Variants in GALNTL5 observed in about 807,000 individuals in gnomAD.
The protein encoded by GALNTL5 is inactive polypeptide N-acetylgalactosaminyltransferase-like protein 5.
GALNTL5 carries 44 observed loss-of-function variants against 51.0 expected under a neutral mutation model. The ratio of observed to expected loss-of-function variants is 0.86; its 90% CI spans 0.68 to 1.11. GALNTL5 has a LOEUF of 1.11. GALNTL5 is among the 50% of genes least tolerant of loss of function. The pLI, the probability that GALNTL5 is intolerant of heterozygous loss-of-function variation, is 0.00. For missense variants in GALNTL5, 528 were observed against 531.8 expected (o/e 0.99, Z 0.07); for synonymous variants, 192 against 182.8 (o/e 1.05, Z -0.41).
At chr7:151,985,384 G>A (rs2151948354) in intron 4 of GALNTL5, among the ~76,000 whole-genome samples, 1 of 152,280 alleles carries the variant, frequency 6.6e-6, no homozygotes, top group East Asian at 1.9e-4. Context: ...CCCACACAGA[G>A]CCTTAAACAC....
chr7:151,967,864 A>G (rs1284092570), intron 2 of GALNTL5, among the ~76,000 whole-genome samples: 2 of 152,090 alleles, frequency 1.3e-5, no homozygotes, highest in Non-Finnish European at 2.9e-5. Context: ...CTTCCTCTGT[A>G]TATTATCCCT....
At chr7:151,994,045 C>G (rs186079690) in intron 5 of GALNTL5, among the ~76,000 whole-genome samples, 37 of 152,288 alleles carry the variant, frequency 2.4e-4, no homozygotes, top group Admixed American at 7.8e-4. Context: ...TTCTAAGTTT[C>G]TTAGAGTTGT....
At chr7:151,959,715 G>A (rs11970963) in intron 1 of GALNTL5, among the ~76,000 whole-genome samples, 44,104 of 151,906 alleles carry the variant, frequency 0.29, 7,487 homozygotes, top group African/African-American at 0.45. Context: ...CCCTTAGCAG[G>A]GTAGCAGTTT....
At chr7:151,995,348 ATTTTTTTTTTTTTTTTTTTTTTTTTTTT>A (rs71198750) in intron 5 of GALNTL5, 2 of 71,100 alleles carry the variant, frequency 2.8e-5, no homozygotes, top group Admixed American at 3.8e-4. Flanking sequence ...GTTGGTATGA[ATTTTTTTTTTTTTTTTTTTTTTTTTTTT>A]TTTTTTTTTT....
intron 5 of GALNTL5, among the ~76,000 whole-genome samples, chr7:151,999,708 T>C (rs1417517943): frequency 2.0e-5 from 3 of 152,192 alleles, no homozygotes; most frequent in Non-Finnish European, 4.4e-5. Context: ...GATTTTAAAA[T>C]GCTAATAATG....
At chr7:152,010,197 C>T (rs1364891218) in intron 7 of GALNTL5, among the ~76,000 whole-genome samples, 1 of 151,914 alleles carries the variant, frequency 6.6e-6, no homozygotes, top group Admixed American at 6.6e-5. Flanking sequence ...ACTGCAATCT[C>T]CGCCTCCCAG....
intron 5 of GALNTL5, among the ~76,000 whole-genome samples, chr7:151,988,715 CTT>C (rs3037136): frequency 2.9e-4 from 41 of 143,236 alleles, no homozygotes; most frequent in East Asian, 1.0e-3. Context: ...ATTTATTTTA[CTT>C]TTTTTTTTTT....
chr7:151,982,903 A>T (rs780339117), intron 3 of GALNTL5, 83 bp from the exon 4 acceptor site: 1 of 1,610,114 alleles, frequency 6.2e-7, no homozygotes. Context: ...AAAGATGCAA[A>T]TAAGGAGAAG....
At chr7:152,013,546 AGAG>A (rs2081766342) in intron 7 of GALNTL5, among the ~76,000 whole-genome samples, 1 of 152,170 alleles carries the variant, frequency 6.6e-6, no homozygotes, top group Non-Finnish European at 1.5e-5. Context: ...TGTTGGTGTG[AGAG>A]CTACTCACAG....
At chr7:151,983,218 C>T (rs2081316972) in intron 4 of GALNTL5, 66 bp downstream of exon 4, 3 of 1,408,660 alleles carry the variant, frequency 2.1e-6, no homozygotes, top group Admixed American at 3.4e-5. Context: ...CCCTCTGTCA[C>T]CCAGGCTGGA....
At chr7:151,982,233 T>G (rs2081301330) in intron 3 of GALNTL5, among the ~76,000 whole-genome samples, 1 of 151,792 alleles carries the variant, frequency 6.6e-6, no homozygotes, top group East Asian at 1.9e-4. Flanking sequence ...GCCAACATGG[T>G]GAAACACTGT....
intron 5 of GALNTL5, among the ~76,000 whole-genome samples, chr7:151,995,890 G>A (rs1166486595): frequency 1.3e-5 from 2 of 152,116 alleles, no homozygotes; most frequent in African/African-American, 2.4e-5. Flanking sequence ...AAGAAGCTAA[G>A]CTCCCGAAAG....
At chr7:152,008,278 G>A (rs921072917) in intron 7 of GALNTL5, among the ~76,000 whole-genome samples, 3 of 122,888 alleles carry the variant, frequency 2.4e-5, no homozygotes, top group East Asian at 2.5e-4. Flanking sequence ...ATGTGGTCTC[G>A]CTATGTTGCC....
intron 1 of GALNTL5, among the ~76,000 whole-genome samples, chr7:151,957,433 C>T (rs1314387678): frequency 6.7e-6 from 1 of 149,370 alleles, no homozygotes; most frequent in East Asian, 2.0e-4. Flanking sequence ...CCTGTAGTAC[C>T]AGCTACTTGG....
chr7:151,985,490 C>T (rs1028311267), intron 4 of GALNTL5, among the ~76,000 whole-genome samples: 26 of 152,162 alleles, frequency 1.7e-4, no homozygotes, highest in African/African-American at 5.6e-4. Flanking sequence ...ACAATTTCTT[C>T]AACAAAACCC....
intron 1 of GALNTL5, among the ~76,000 whole-genome samples, chr7:151,962,090 A>C (rs35903600): frequency 0.067 from 9,866 of 147,566 alleles, 373 homozygotes; most frequent in Non-Finnish European, 0.094. Flanking sequence ...GCAACCTCCA[A>C]CTCCCGGGTT....
At chr7:151,998,422 C>G (rs995186913) in intron 5 of GALNTL5, among the ~76,000 whole-genome samples, 3 of 151,920 alleles carry the variant, frequency 2.0e-5, no homozygotes, top group Non-Finnish European at 4.4e-5. Flanking sequence ...GGAAATGTAA[C>G]AGGACTAAAA....
At chr7:151,990,112 G>A (rs886374470) in intron 5 of GALNTL5, among the ~76,000 whole-genome samples, 1 of 151,814 alleles carries the variant, frequency 6.6e-6, no homozygotes, top group Non-Finnish European at 1.5e-5. Context: ...GCACAATCTC[G>A]GCTCACTGCA....
intron 8 of GALNTL5, among the ~76,000 whole-genome samples, chr7:152,015,916 T>C (rs961579108): frequency 6.6e-6 from 1 of 152,166 alleles, no homozygotes; most frequent in Non-Finnish European, 1.5e-5. Flanking sequence ...TCATTTCAGA[T>C]GAACAAATAG....
Sources: allele counts gnomAD v4.1 joint callset (sites outside exome capture counted in the v4.1 genomes callset), GRCh38; gene constraint gnomAD v4.1.1; transcripts MANE v1.5; gene names NCBI Gene and HGNC (gene_info 2026-07-23, HGNC 2026-07-21).